The following MCF2 variants were observed in gnomAD, a reference collection of about 807,000 sequenced individuals.
The protein encoded by MCF2 is MCF.2 cell line derived transforming sequence.
Under a neutral mutation model 82.5 loss-of-function variants are expected in MCF2, and 44 were observed. That is an observed-to-expected ratio of 0.53 (90% CI 0.42 to 0.69). The LOEUF (loss-of-function observed/expected upper bound fraction) is 0.69. Ranked by LOEUF, MCF2 falls within the 30% of genes least tolerant of loss-of-function variation. The pLI, the probability that MCF2 is intolerant of heterozygous loss-of-function variation, is 0.00. For missense variants in MCF2, 623 were observed against 663.1 expected, an observed-to-expected ratio of 0.94 and a Z score of 0.66; for synonymous variants, 217 against 224.9, an observed-to-expected ratio of 0.96 and a Z score of 0.32.
intron 16 of MCF2, among the ~76,000 whole-genome samples, chrX:139,600,698 G>C (rs1205366615): frequency 9.0e-6 from 1 of 111,555 alleles, no homozygotes; most frequent in African/African-American, 3.3e-5. Context: ...AATAGCTTGA[G>C]ACAAATAACT....
intron 3 of MCF2, among the ~76,000 whole-genome samples, chrX:139,630,832 T>C (rs73634056): frequency 0.01 from 1,157 of 112,140 alleles, 18 homozygotes; most frequent in African/African-American, 0.035. Flanking sequence ...CAGTCTTTGC[T>C]ACAAATTTAA....
chrX:139,666,992 G>A (rs956414747), intron 1 of MCF2, among the ~76,000 whole-genome samples: 1 of 110,909 alleles, frequency 9.0e-6, no homozygotes, highest in African/African-American at 3.3e-5. Context: ...CTGATCTAGT[G>A]TATTATTGAT....
intron 23 of MCF2, among the ~76,000 whole-genome samples, chrX:139,585,488 G>A (rs1312459457): frequency 1.8e-5 from 2 of 111,346 alleles, no homozygotes; most frequent in East Asian, 2.8e-4. Context: ...ACCTTTAATT[G>A]GATAAATGGA....
chrX:139,684,303 G>A (rs944614300), intron 1 of MCF2, among the ~76,000 whole-genome samples: 85 of 112,279 alleles, frequency 7.6e-4, no homozygotes, highest in African/African-American at 2.5e-3. Flanking sequence ...CCACTAGGAT[G>A]GCTGGGAAAT....
intron 2 of MCF2, among the ~76,000 whole-genome samples, chrX:139,649,908 C>G (rs772117453): frequency 1.8e-5 from 2 of 111,695 alleles, no homozygotes; most frequent in Non-Finnish European, 3.8e-5. Flanking sequence ...GTGAACGTAA[C>G]ATACTGCTAA....
chrX:139,651,053 T>C (rs940000073), intron 2 of MCF2, among the ~76,000 whole-genome samples: 1 of 111,036 alleles, frequency 9.0e-6, no homozygotes, highest in Non-Finnish European at 1.9e-5. Context: ...CGGGGAGTAA[T>C]TGTTTAATGG....
intron 16 of MCF2, among the ~76,000 whole-genome samples, chrX:139,601,934 C>T (rs1446485660): frequency 1.8e-5 from 2 of 111,327 alleles, no homozygotes; most frequent in Admixed American, 1.9e-4. Flanking sequence ...CACTGCAAGA[C>T]AAACAGAAGG....
intron 19 of MCF2, among the ~76,000 whole-genome samples, chrX:139,590,179 C>T (rs1929375795): frequency 9.0e-6 from 1 of 111,223 alleles, no homozygotes; most frequent in Admixed American, 9.6e-5. Context: ...TAAATCTGAA[C>T]ATCCAAGTAG....
upstream of MCF2, among the ~76,000 whole-genome samples, chrX:139,643,478 T>A (rs1364906347): frequency 2.7e-5 from 3 of 111,602 alleles, no homozygotes; most frequent in African/African-American, 3.3e-5. Flanking sequence ...TGCTCTTGAG[T>A]ATGAGTATAG....
intron 13 of MCF2, 76 bp downstream of exon 17, chrX:139,605,637 C>T (rs1250269924): frequency 4.5e-6 from 4 of 889,164 alleles, no homozygotes; most frequent in Non-Finnish European, 6.4e-6. Flanking sequence ...AGAAGATTGC[C>T]CCTAAACACT....
At chrX:139,585,157 G>T in exon 24 of MCF2, 1 of 1,189,438 alleles carries the variant, frequency 8.4e-7, no homozygotes, top group Non-Finnish European at 1.1e-6. Flanking sequence ...GATTTCTGCA[G>T]ATTGTGATGC....
rs948173944 is a variant in MCF2, at chrX:139,613,030, T to C, written c.1363+1851A>G. 2.7e-5 allele frequency among the ~76,000 whole-genome samples: 3 copies of C among 111,782 alleles called. No homozygotes were observed. In the South Asian group the frequency reaches 1.1e-3, roughly 42 times the overall value. On this transcript the variant is annotated intron_variant, in intron 10 of 24. Transcript: ENST00000370576. Reference sequence around the variant, plus strand: ...GAACCATAATCTACATTTTATATAGTCATTTTCCAACATAAGCATAATACA... The same window carrying C: ...GAACCATAATCTACATTTTATATAGCCATTTTCCAACATAAGCATAATACA...
chrX:139,691,086 C>G (rs751427030), intron 1 of MCF2, among the ~76,000 whole-genome samples: 2 of 112,089 alleles, frequency 1.8e-5, no homozygotes, highest in East Asian at 5.7e-4. Context: ...TCCCCTTAAT[C>G]AAACCATGGC....
intron 1 of MCF2, among the ~76,000 whole-genome samples, chrX:139,706,551 G>A (rs1935592921): frequency 9.1e-6 from 1 of 109,819 alleles, no homozygotes. Context: ...CAGATATTGT[G>A]GACTACTAGA....
chrX:139,604,980 T>G (rs1338972582), exon 14 of MCF2: 1 of 1,083,201 alleles, frequency 9.2e-7, no homozygotes, highest in Non-Finnish European at 1.3e-6. Context: ...CTCCGCTCTA[T>G]AACCCTACCC....
At chrX:139,706,417 T>G (rs1390557917) in intron 1 of MCF2, among the ~76,000 whole-genome samples, 1 of 111,974 alleles carries the variant, frequency 8.9e-6, no homozygotes, top group Non-Finnish European at 1.9e-5. Context: ...TGCAGCAACA[T>G]GCACGGAGCT....
chrX:139,675,795 A>AG (rs1363165175), intron 1 of MCF2, among the ~76,000 whole-genome samples: 1 of 112,359 alleles, frequency 8.9e-6, no homozygotes, highest in African/African-American at 3.2e-5. Flanking sequence ...CCACTTGAGG[A>AG]GGCAGTCCGT....
chrX:139,687,881 A>T (rs990484920), intron 1 of MCF2, among the ~76,000 whole-genome samples: 5 of 111,954 alleles, frequency 4.5e-5, no homozygotes, highest in Admixed American at 9.5e-5. Context: ...CCATGTACTA[A>T]AGCTCATATA....
At chrX:139,700,142 T>G (rs1935460683) in intron 1 of MCF2, among the ~76,000 whole-genome samples, 1 of 111,747 alleles carries the variant, frequency 8.9e-6, no homozygotes, top group Non-Finnish European at 1.9e-5. Flanking sequence ...GAAGTTGTGA[T>G]GGAGGATGAT....
Sources: allele counts gnomAD v4.1 joint callset (sites outside exome capture counted in the v4.1 genomes callset), GRCh38; gene constraint gnomAD v4.1.1; transcripts MANE v1.5; gene names NCBI Gene and HGNC (gene_info 2026-07-23, HGNC 2026-07-21).